Variants in FSTL5 observed in about 807,000 individuals in gnomAD.
The protein encoded by FSTL5 is follistatin-related protein 5.
FSTL5 carries 62 observed loss-of-function variants against 89.1 expected under a neutral mutation model. The observed-to-expected ratio is 0.70, with a 90% CI of 0.57 to 0.86. The LOEUF (loss-of-function observed/expected upper bound fraction) is 0.86. Among genes scored for constraint, FSTL5 ranks in the 40% least tolerant of loss-of-function variants. The pLI is 0.00. For synonymous variants in FSTL5, 383 were observed against 346.2 expected, an observed-to-expected ratio of 1.11 and a Z score of -1.18; for missense variants, 1,057 against 1,001.6, an observed-to-expected ratio of 1.06 and a Z score of -0.75.
At chr4:161,411,715 G>A (rs1731599245) in intron 15 of FSTL5, among the ~76,000 whole-genome samples, 2 of 152,082 alleles carry the variant, frequency 1.3e-5, no homozygotes, top group South Asian at 4.1e-4. Context: ...TTATGACAAA[G>A]CATAGCCAAT....
intron 8 of FSTL5, among the ~76,000 whole-genome samples, chr4:161,584,964 A>G (rs1367855140): frequency 6.6e-6 from 1 of 152,162 alleles, no homozygotes; most frequent in Admixed American, 6.6e-5. Context: ...CAGCACAAGC[A>G]ATCACTGCTA....
intron 2 of FSTL5, among the ~76,000 whole-genome samples, chr4:162,046,244 A>G (rs2111241286): frequency 6.6e-6 from 1 of 152,256 alleles, no homozygotes; most frequent in Non-Finnish European, 1.5e-5. Flanking sequence ...CTGGAAAGAC[A>G]AATAGCTATT....
intron 2 of FSTL5, 129 bp downstream of exon 2, chr4:162,111,142 A>C (rs532089942): frequency 1.3e-6 from 1 of 741,540 alleles, no homozygotes; most frequent in African/African-American, 1.8e-5. Flanking sequence ...GTGCATTTTA[A>C]AAATAATATG....
At chr4:161,899,649 T>C (rs1270792492) in intron 4 of FSTL5, among the ~76,000 whole-genome samples, 1 of 151,986 alleles carries the variant, frequency 6.6e-6, no homozygotes, top group East Asian at 1.9e-4. Flanking sequence ...TGATGAAAAA[T>C]CAAATAATGG....
chr4:161,921,147 TG>T (rs1265081543), intron 3 of FSTL5, among the ~76,000 whole-genome samples: 1 of 152,078 alleles, frequency 6.6e-6, no homozygotes, highest in African/African-American at 2.4e-5. Flanking sequence ...GTAACAGAAT[TG>T]TAGATAGGAG....
chr4:161,939,330 T>C (rs771752637), intron 3 of FSTL5, among the ~76,000 whole-genome samples: 3 of 152,042 alleles, frequency 2.0e-5, no homozygotes, highest in Non-Finnish European at 2.9e-5. Context: ...TATTTTTGCT[T>C]ATATTATGGT....
intron 4 of FSTL5, among the ~76,000 whole-genome samples, chr4:161,784,697 A>G (rs993967617): frequency 1.3e-5 from 2 of 152,024 alleles, no homozygotes; most frequent in African/African-American, 2.4e-5. Flanking sequence ...GATCGAGACC[A>G]TCCTGGCTAA....
chr4:161,496,763 C>T (rs969506075), intron 12 of FSTL5, among the ~76,000 whole-genome samples: 2 of 127,222 alleles, frequency 1.6e-5, no homozygotes, highest in African/African-American at 2.7e-5. Flanking sequence ...ATAAAACTCT[C>T]TATATAGGAG....
chr4:161,470,225 TG>T (rs1393824391), intron 13 of FSTL5, among the ~76,000 whole-genome samples: 1 of 152,190 alleles, frequency 6.6e-6, no homozygotes, highest in Non-Finnish European at 1.5e-5. Flanking sequence ...GTTTAAATTT[TG>T]CACCTGAAAT....
chr4:161,845,463 T>A (rs1271797750), intron 4 of FSTL5, among the ~76,000 whole-genome samples: 1 of 152,204 alleles, frequency 6.6e-6, no homozygotes, highest in Non-Finnish European at 1.5e-5. Flanking sequence ...ACAATTGGAT[T>A]TCTTACTGCA....
chr4:161,422,438 T>G (rs1333012240), intron 15 of FSTL5, among the ~76,000 whole-genome samples: 1 of 152,216 alleles, frequency 6.6e-6, no homozygotes, highest in Non-Finnish European at 1.5e-5. Flanking sequence ...CCTGAGCTAG[T>G]GAGAATCTTT....
chr4:162,081,289 T>C (rs1055270787), intron 2 of FSTL5, among the ~76,000 whole-genome samples: 19 of 151,558 alleles, frequency 1.3e-4, no homozygotes, highest in Admixed American at 4.6e-4. Flanking sequence ...CACAATATAA[T>C]GGATCACAGT....
chr4:161,842,383 C>A (rs926910240), intron 4 of FSTL5, among the ~76,000 whole-genome samples: 4 of 152,112 alleles, frequency 2.6e-5, no homozygotes, highest in Admixed American at 2.0e-4. Context: ...TTTCAAGTTA[C>A]AAATCATCCA....
intron 8 of FSTL5, among the ~76,000 whole-genome samples, chr4:161,585,587 T>TAAA (rs34372995): frequency 0.014 from 1,485 of 102,640 alleles, 42 homozygotes; most frequent in African/African-American, 0.048. Context: ...TCCCTAATGC[T>TAAA]AAAAAAAAAA....
intron 3 of FSTL5, among the ~76,000 whole-genome samples, chr4:161,957,465 T>C (rs888208945): frequency 2.0e-5 from 3 of 152,114 alleles, no homozygotes; most frequent in African/African-American, 7.2e-5. Context: ...GTCTTTCATC[T>C]GTTATTTTCT....
chr4:161,419,415 C>G (rs551603958), intron 15 of FSTL5, among the ~76,000 whole-genome samples: 225 of 152,066 alleles, frequency 1.5e-3, no homozygotes, highest in African/African-American at 5.4e-3. Context: ...GCAGGCAAAG[C>G]ACCAGCCAAT....
rs374892204 is a variant in FSTL5, at chr4:161,604,949, T to C, written c.895-17374A>G. Among the ~76,000 whole-genome samples the C allele has an allele frequency of 2.0e-5, 3 of 152,270 alleles. No individual in the cohort carries two copies. The South Asian group carries it at 6.2e-4, about 32-fold the overall frequency. On this transcript the variant is annotated intron_variant, in intron 7 of 15. Coordinates refer to ENST00000306100, the MANE Select transcript of FSTL5 (RefSeq NM_020116.5). ...TACAGAATCTATGCTTACATATTAT[T>C]GTATAGGAGTTATTTCAAGGTGATT... is the stretch of plus-strand genomic sequence containing the variant.
intron 4 of FSTL5, among the ~76,000 whole-genome samples, chr4:161,879,800 G>A (rs1395926299): frequency 2.0e-5 from 3 of 152,072 alleles, no homozygotes; most frequent in Non-Finnish European, 4.4e-5. Flanking sequence ...CCAACCCTGG[G>A]ACACTTCCCT....
At chr4:161,812,011 A>G (rs1240114479) in intron 4 of FSTL5, among the ~76,000 whole-genome samples, 1 of 152,128 alleles carries the variant, frequency 6.6e-6, no homozygotes, top group Non-Finnish European at 1.5e-5. Context: ...ATGGCTGGGA[A>G]ATATGTGAAT....
Sources: allele counts gnomAD v4.1 joint callset (sites outside exome capture counted in the v4.1 genomes callset), GRCh38; gene constraint gnomAD v4.1.1; transcripts MANE v1.5; gene names NCBI Gene and HGNC (gene_info 2026-07-23, HGNC 2026-07-21).